NEK1: variants seen among roughly 807,000 people sequenced by gnomAD.
NEK1 encodes the protein serine/threonine-protein kinase Nek1.
NEK1 carries 137 observed loss-of-function variants against 182.1 expected under a neutral mutation model. The ratio of observed to expected loss-of-function variants is 0.75; its 90% CI spans 0.65 to 0.87. The LOEUF (loss-of-function observed/expected upper bound fraction) is 0.87. Among genes scored for constraint, NEK1 ranks in the 40% least tolerant of loss-of-function variants. The probability of loss-of-function intolerance (pLI) is 0.00; values close to 1 mark genes in which losing one functional copy is unlikely to be tolerated. For missense variants in NEK1, 1,391 were observed against 1,494.4 expected (o/e 0.93, Z 1.14); for synonymous variants, 513 against 492.2 (o/e 1.04, Z -0.56).
chr4:169,497,136 G>A (rs1441831377), intron 23 of NEK1, among the ~76,000 whole-genome samples: 1 of 151,898 alleles, frequency 6.6e-6, no homozygotes, highest in Non-Finnish European at 1.5e-5. Context: ...GTCTTGGGAG[G>A]GTGTATGTGT....
intron 8 of NEK1, 53 bp downstream of exon 8, chr4:169,588,593 TGAC>T: frequency 1.9e-6 from 2 of 1,026,512 alleles, no homozygotes; most frequent in East Asian, 5.2e-5. Flanking sequence ...TTAATAAACA[TGAC>T]AACAAAAAAA....
chr4:169,491,890 A>G (rs1185705953), intron 23 of NEK1, among the ~76,000 whole-genome samples: 2 of 152,232 alleles, frequency 1.3e-5, no homozygotes, highest in African/African-American at 4.8e-5. Flanking sequence ...AAAGTCTAGA[A>G]TATCTTCATG....
Position 169,599,186 on chromosome 4 carries a change from G to A in NEK1, c.226C>T (p.Leu76Phe). 6.2e-7 allele frequency: 1 copy of A among 1,608,320 alleles called. No homozygotes were observed. Among genetic ancestry groups the A allele is most frequent in the Non-Finnish European group, 8.5e-7 (1 of 1,175,970 alleles). The change falls in exon 5 of 36, where the codon CTC becomes TTC. Residue 76 changes from leucine (L) to phenylalanine (F), a missense_variant. Coordinates refer to ENST00000507142, the MANE Select transcript of NEK1 (RefSeq NM_001199397.3). ...TCACAGTAATCCATTACTATGTAGA[G>A]AGAGCCATTTTCTACAAAATATAAA... ...YRESFEENGS[L>F]YIVMDYCEGG... is the part of the protein sequence containing the mutation.
intron 26 of NEK1, among the ~76,000 whole-genome samples, chr4:169,473,843 C>A (rs557334410): frequency 1.3e-5 from 2 of 152,166 alleles, no homozygotes; most frequent in African/African-American, 4.8e-5. Flanking sequence ...GGACAATAAT[C>A]CAGGATGTCG....
intron 18 of NEK1, among the ~76,000 whole-genome samples, chr4:169,545,322 C>T (rs1030645964): frequency 6.0e-5 from 9 of 151,146 alleles, no homozygotes; most frequent in East Asian, 3.9e-4. Flanking sequence ...TTTGTTCTTG[C>T]GATAGTTTAC....
At chr4:169,452,400 T>C (rs1030019734) in intron 27 of NEK1, among the ~76,000 whole-genome samples, 8 of 152,208 alleles carry the variant, frequency 5.3e-5, no homozygotes, top group Non-Finnish European at 1.0e-4. Context: ...TGAACGTCGA[T>C]GCGAAAATCC....
intron 5 of NEK1, among the ~76,000 whole-genome samples, chr4:169,596,062 G>A (rs1769437997): frequency 6.6e-6 from 1 of 152,042 alleles, no homozygotes; most frequent in Non-Finnish European, 1.5e-5. Flanking sequence ...CAGGGACCTT[G>A]GCATATTTGG....
intron 35 of NEK1, among the ~76,000 whole-genome samples, chr4:169,399,810 A>C (rs1731348726): frequency 1.3e-5 from 2 of 151,988 alleles, no homozygotes; most frequent in Non-Finnish European, 2.9e-5. Context: ...TTGTGTGTAG[A>C]GATAGGGTTT....
In NEK1 at chr4:169,579,838, A is replaced by G. The variant is rs570702190; in HGVS notation, c.868+1004T>C. 5.3e-5 allele frequency among the ~76,000 whole-genome samples: 8 copies of G among 152,038 alleles called. No individual in the cohort carries two copies. In the East Asian group the frequency reaches 1.5e-3, roughly 29 times the overall value. On this transcript the variant is annotated intron_variant, in intron 11 of 35. Transcript: ENST00000507142. ...ATGCAGCTTGCCTTCCTGAGAACGC[A>G]CTGTCATACCACTTCTAGCTAAATG...
chr4:169,450,273 G>GA (rs1260674342), intron 27 of NEK1, among the ~76,000 whole-genome samples: 9 of 152,176 alleles, frequency 5.9e-5, no homozygotes, highest in African/African-American at 1.7e-4. Flanking sequence ...TTATCCAGGA[G>GA]AACTTCCCCA....
intron 29 of NEK1, among the ~76,000 whole-genome samples, chr4:169,428,499 G>GT: frequency 6.6e-6 from 1 of 151,902 alleles, no homozygotes; most frequent in Non-Finnish European, 1.5e-5. Flanking sequence ...ATATGATTCT[G>GT]TAAGAAAAAT....
rs2111007067 is a variant in NEK1, at chr4:169,400,300, TATTTTGAACTA to T, written c.3761_3771del (p.Ile1254AsnfsTer5). ...AGATGCTGATGTTCATTTCCCAAAA[TATTTTGAACTA>T]TTTTTGAACAAATTTCAATATTTTC... On this transcript the variant is annotated frameshift_variant, in exon 35 of 36. Transcript: ENST00000507142. LOFTEE classifies it high-confidence loss of function. 1.9e-6 allele frequency: 3 copies of T among 1,550,352 alleles called. No homozygotes were observed. Among genetic ancestry groups the T allele is most frequent in the Non-Finnish European group, 2.6e-6 (3 of 1,144,532 alleles).
At chr4:169,573,864 G>A (rs557354639) in intron 12 of NEK1, among the ~76,000 whole-genome samples, 30 of 152,284 alleles carry the variant, frequency 2.0e-4, no homozygotes, top group African/African-American at 7.2e-4. Flanking sequence ...GAAAGAGAAT[G>A]ATCAAGAAAA....
intron 18 of NEK1, among the ~76,000 whole-genome samples, chr4:169,545,411 T>C (rs1428378685): frequency 2.6e-5 from 4 of 151,556 alleles, no homozygotes; most frequent in African/African-American, 7.3e-5. Flanking sequence ...TAGTATTCCA[T>C]GGTGTATATA....
chr4:169,438,355 T>C (rs766991298), intron 27 of NEK1, 96 bp from the exon 28 acceptor site: 182 of 860,018 alleles, frequency 2.1e-4, no homozygotes, highest in Middle Eastern at 3.6e-4. Context: ...GCTGCATTAC[T>C]GCAACAGGCA....
At chr4:169,409,556 G>A (rs1733288195) in intron 31 of NEK1, among the ~76,000 whole-genome samples, 1 of 152,132 alleles carries the variant, frequency 6.6e-6, no homozygotes, top group Admixed American at 6.5e-5. Context: ...ATCACTTGAG[G>A]TCAGGAGTTT....
At chr4:169,499,070 A>T (rs1029453051) in intron 23 of NEK1, among the ~76,000 whole-genome samples, 11 of 152,312 alleles carry the variant, frequency 7.2e-5, no homozygotes, top group Non-Finnish European at 1.5e-4. Context: ...GTCTTTTCAC[A>T]TAGTCCCATA....
At position 169,590,592 on chromosome 4, in the gene NEK1, G is replaced by A. The variant is rs569231816; in HGVS notation, c.396+134C>T. ...AGGAGATCTAATACAGGATGCAGAT[G>A]AATAGGATAAAAAGGAAGAGACAAG... On this transcript the variant is annotated intron_variant, in intron 6 of 35. Transcript: ENST00000507142. 52 of 576,570 alleles carry A rather than the reference G, an allele frequency of 9.0e-5. No individual in the cohort carries two copies. In the African/African-American group the frequency reaches 9.2e-4, roughly 10 times the overall value. The allele number at this position is 576,570 out of a possible 1,614,324, so 35.7% of individuals were successfully genotyped here.
chr4:169,417,289 A>G (rs1332081396), intron 31 of NEK1, among the ~76,000 whole-genome samples: 2 of 152,242 alleles, frequency 1.3e-5, no homozygotes, highest in African/African-American at 4.8e-5. Context: ...ACAGAGAGGC[A>G]GTCAATGCCA....
Sources: gnomAD v4.1 joint callset for allele counts (sites outside exome capture counted in the v4.1 genomes callset) on GRCh38, gnomAD v4.1.1 for gene constraint, MANE v1.5 for transcripts, NCBI Gene and HGNC (gene_info 2026-07-23, HGNC 2026-07-21) for gene names.